PRB4: variants seen among roughly 807,000 people sequenced by gnomAD.
PRB4 encodes basic salivary proline-rich protein 4.
In PRB4, 14 loss-of-function variants were observed where a neutral mutation model predicts 9.1. The ratio of observed to expected loss-of-function variants is 1.54; its 90% CI spans 1.02 to 2.41. The LOEUF is 2.41. Among genes scored for constraint, PRB4 ranks in the 30% most tolerant of loss-of-function variants. The pLI is 0.00. For synonymous variants in PRB4, 102 were observed against 108.5 expected (o/e 0.94, Z 0.37); for missense variants, 381 against 299.3 (o/e 1.27, Z -2.02).
intron 1 of PRB4, 110 bp from the exon 2 acceptor site, chr12:11,309,515 G>A: frequency 1.3e-6 from 2 of 1,596,174 alleles, no homozygotes; most frequent in Non-Finnish European, 1.7e-6. Context: ...CATCCCCTAG[G>A]TTAACTCATC....
Position 11,308,380 on chromosome 12 carries a change from T to C in PRB4, c.603A>G (p.Gly201=). The C allele has an allele frequency of 1.2e-6, 2 of 1,602,820 alleles. No homozygotes were observed. Among genetic ancestry groups the C allele is most frequent in the South Asian group, 2.2e-5 (2 of 90,684 alleles). Residue 201 remains glycine (G), a synonymous_variant, in exon 3 of 4, where the codon GGA becomes GGG. Transcript: ENST00000279575. The part of the protein sequence containing the change: ...GNKPQGPPPP[G]KPQGPPPAGG... ...CTGCTGGGGGTGGGCCTTGTGGCTT[T>C]CCAGGAGGTGGGGGACCTTGAGGCT...
At chr12:11,309,765 A>G (rs1049933764) in intron 1 of PRB4, among the ~76,000 whole-genome samples, 3 of 152,160 alleles carry the variant, frequency 2.0e-5, no homozygotes, top group African/African-American at 7.2e-5. Flanking sequence ...TGTTTTCTCA[A>G]TAGGGGTAAC....
intron 2 of PRB4, 54 bp from the exon 3 acceptor site, chr12:11,308,936 A>G (rs982545491): frequency 1.2e-6 from 2 of 1,603,612 alleles, no homozygotes; most frequent in Non-Finnish European, 8.5e-7. Flanking sequence ...ACAAATTTTT[A>G]CAGTAATGGA....
chr12:11,308,555 C>A lies in PRB4; in HGVS notation c.428G>T (p.Arg143Ile). ...CTGGTTACCTCCTTGTGGGGGTGGTCTTTCTGGCTTTCCTGGAGGAGGTGG... is the reference window on the plus strand; with the variant it reads ...CTGGTTACCTCCTTGTGGGGGTGGTATTTCTGGCTTTCCTGGAGGAGGTGG... Reference protein sequence around the residue: ...RPPPPPGKPERPPPQGGNQSQ... With the variant: ...RPPPPPGKPEIPPPQGGNQSQ... Residue 143 changes from arginine (R) to isoleucine (I), a missense_variant, in exon 3 of 4, where the codon AGA becomes ATA. Coordinates refer to ENST00000279575, the MANE Select transcript of PRB4 (RefSeq NM_002723.6). 1.3e-6 allele frequency: 2 copies of A among 1,575,614 alleles called. No individual in the cohort carries two copies. Among genetic ancestry groups the A allele is most frequent in the Non-Finnish European group, 1.7e-6 (2 of 1,154,962 alleles).
chr12:11,308,853 C>G lies in PRB4; in HGVS notation c.130G>C (p.Gly44Arg). Residue 44 changes from glycine (G) to arginine (R), a missense_variant, in exon 3 of 4, where the codon GGA (glycine) becomes CGA (arginine). Gly to Arg is a moderately radical substitution (Grantham distance 125). Coordinates refer to ENST00000279575, the MANE Select transcript of PRB4 (RefSeq NM_002723.6). Reference protein sequence around the residue: ...GKPEGRRPQGGNQPQRPPPPP... With the variant: ...GKPEGRRPQGRNQPQRPPPPP... ...GGTGGGGGACGTTGGGGCTGGTTTCCTCCTTGTGGGCGTCGTCCTTCTGGC... is the reference window on the plus strand; with the variant it reads ...GGTGGGGGACGTTGGGGCTGGTTTCGTCCTTGTGGGCGTCGTCCTTCTGGC... 1.3e-6 allele frequency: 2 copies of G among 1,592,220 alleles called. No homozygotes were observed. The highest frequency in any genetic ancestry group is 1.7e-6 in the Non-Finnish European group (2 of 1,166,228).
Position 11,308,330 on chromosome 12 carries a change from G to T in PRB4, c.653C>A (p.Ala218Glu). Residue 218 changes from alanine (A) to glutamate (E), a missense_variant, in exon 3 of 4, where the codon GCA becomes GAA. Coordinates refer to ENST00000279575, the MANE Select transcript of PRB4 (RefSeq NM_002723.6). ...CCCCTGGGGCTTTCCAGCAGGAGGTGCCTGAGGCTGCTGGGGATTGCCTCC... is the reference window on the plus strand; with the variant it reads ...CCCCTGGGGCTTTCCAGCAGGAGGTTCCTGAGGCTGCTGGGGATTGCCTCC... ...PAGGNPQQPQ[A>E]PPAGKPQGPP... 1.9e-6 allele frequency: 3 copies of T among 1,609,468 alleles called. No individual in the cohort carries two copies. Among genetic ancestry groups the T allele is most frequent in the Non-Finnish European group, 2.5e-6 (3 of 1,176,786 alleles).
rs766964490 is a variant in PRB4 at position 11,308,270 on chromosome 12, C to G, written c.713G>C (p.Arg238Thr). 96 of 1,609,386 alleles carry G rather than the reference C, an allele frequency of 6.0e-5. No homozygotes were observed. The highest frequency in any genetic ancestry group is 8.1e-5 in the Non-Finnish European group (95 of 1,178,038). The change falls in exon 3 of 4, where the codon AGA becomes ACA. Residue 238 changes from arginine to threonine, a missense_variant. This residue lies in a region of PRB4 where 204 missense variants were observed against 134.4 expected (regional missense o/e 1.52). Coordinates refer to ENST00000279575, the MANE Select transcript of PRB4 (RefSeq NM_002723.6). Reference protein sequence around the residue: ...PPPPQGGRPPRPAQGQQPPQ With the variant: ...PPPPQGGRPPTPAQGQQPPQ ...GGGAGGCTGTTGTCCCTGGGCAGGT[C>G]TGGGTGGCCTGCCCCCTTGAGGAGG...
Position 11,310,215 on chromosome 12 carries a change from C to A in PRB4, c.64+120G>T, listed in dbSNP as rs762367538. On this transcript the variant is annotated intron_variant, in intron 1 of 3. Coordinates refer to ENST00000279575, the MANE Select transcript of PRB4 (RefSeq NM_002723.6). ...ATGAGGGCACAACAGGTCTCCTGAT[C>A]CTAGGCATGAAAACTCTGCAGCCCC... 3.8e-5 allele frequency: 48 copies of A among 1,266,576 alleles called. No individual in the cohort carries two copies. The East Asian group carries it at 5.6e-4, about 15-fold the overall frequency. The allele number at this position is 1,266,576 out of a possible 1,614,324, so 78.5% of individuals were successfully genotyped here. A position where few individuals can be genotyped will look rare whatever the true frequency, so the allele number is the denominator to read the frequency against.
rs757144718 is a variant in PRB4, at chr12:11,308,394, G to A, written c.589C>T (p.Pro197Ser). Residue 197 changes from proline (P) to serine (S), a missense_variant, in exon 3 of 4, where the codon CCC (proline) becomes TCC (serine). Around this residue, in one of 3 missense-constraint regions of PRB4, gnomAD observed 204 missense variants for 134.4 expected, o/e 1.52. Coordinates refer to ENST00000279575, the MANE Select transcript of PRB4 (RefSeq NM_002723.6). ...CCTTGTGGCTTTCCAGGAGGTGGGG[G>A]ACCTTGAGGCTTGTTGCCTTCTTGT... ...PQQEGNKPQG[P>S]PPPGKPQGPP... 6 of 1,604,246 alleles carry A rather than the reference G, an allele frequency of 3.7e-6. No homozygotes were observed. In the East Asian group the frequency reaches 9.0e-5, roughly 24 times the overall value.
In PRB4 at chr12:11,310,393, C is replaced by T. The variant is rs1332777623; in HGVS notation, c.6G>A (p.Leu2=). 8 of 1,614,244 alleles carry T rather than the reference C, an allele frequency of 5.0e-6. No homozygotes were observed. The East Asian group carries it at 6.7e-5, about 13-fold the overall frequency. The change falls in exon 1 of 4, where the codon CTG becomes CTA. Residue 2 remains leucine (L), a synonymous_variant. Coordinates refer to ENST00000279575, the MANE Select transcript of PRB4 (RefSeq NM_002723.6). M[L]LILLSVALLA... is the part of the protein sequence containing the mutation. ...GCAGGGCCACTGACAGCAGAATCAGCAGCATCTCGCTGGAGGCTCTGGAGT... is the reference window on the plus strand; with the variant it reads ...GCAGGGCCACTGACAGCAGAATCAGTAGCATCTCGCTGGAGGCTCTGGAGT...
rs574814885 is a variant in PRB4 at position 11,310,071 on chromosome 12, C to T, written c.64+264G>A. Among the ~76,000 whole-genome samples the T allele has an allele frequency of 2.0e-5, 3 of 152,348 alleles. No individual in the cohort carries two copies. In the East Asian group the frequency reaches 5.8e-4, roughly 29 times the overall value. ...TGAATCTGCCTTGCACTCTCCACTGCAGCCTTCACAGCACAGTTCTATCTC... is the reference window on the plus strand; with the variant it reads ...TGAATCTGCCTTGCACTCTCCACTGTAGCCTTCACAGCACAGTTCTATCTC... On this transcript the variant is annotated intron_variant, in intron 1 of 3. Transcript: ENST00000279575.
chr12:11,309,320 G>C (rs1862998807), intron 2 of PRB4, 50 bp downstream of exon 2: 1 of 1,613,546 alleles, frequency 6.2e-7, no homozygotes, highest in Non-Finnish European at 8.5e-7. Flanking sequence ...TGATCCATTT[G>C]TAAGCAGAAA....
In PRB4 at chr12:11,308,792, C is replaced by T. The variant is rs779925084; in HGVS notation, c.191G>A (p.Gly64Glu). 1.3e-6 allele frequency: 2 copies of T among 1,583,978 alleles called. No individual in the cohort carries two copies. Among genetic ancestry groups the T allele is most frequent in the Non-Finnish European group, 1.7e-6 (2 of 1,164,434 alleles). Residue 64 changes from glycine (G) to glutamate (E), a missense_variant, in exon 3 of 4, where the codon GGA (glycine) becomes GAA (glutamate). Physicochemically the swap from Gly to Glu is moderately conservative, Grantham distance 98 (BLOSUM62 -2). Around this residue, in one of 3 missense-constraint regions of PRB4, gnomAD observed 151 missense variants for 105.8 expected, o/e 1.43. Coordinates refer to ENST00000279575, the MANE Select transcript of PRB4 (RefSeq NM_002723.6). Reference protein sequence around the residue: ...PGKPQGPPPQGGNQSQGPPPP... With the variant: ...PGKPQGPPPQEGNQSQGPPPP... ...TGGGGGACCTTGGGACTGGTTTCCT[C>T]CTTGTGGGGGTGGTCCTTGTGGCTT...
intron 3 of PRB4, among the ~76,000 whole-genome samples, chr12:11,307,805 G>C (rs1862947056): frequency 6.6e-6 from 1 of 152,154 alleles, no homozygotes; most frequent in African/African-American, 2.4e-5. Context: ...TCTAAAAAGT[G>C]ACACGCCATT....
At chr12:11,308,125 A>T in intron 3 of PRB4, 96 bp downstream of exon 3, 8 of 1,416,454 alleles carry the variant, frequency 5.6e-6, no homozygotes, top group Non-Finnish European at 7.8e-6. Flanking sequence ...TTCTAGGACA[A>T]TACAATGTCA....
intron 2 of PRB4, 100 bp downstream of exon 2, chr12:11,309,270 T>C: frequency 6.3e-7 from 1 of 1,589,114 alleles, no homozygotes; most frequent in Admixed American, 1.7e-5. Flanking sequence ...CATTAATCAA[T>C]TCCTGAAAGG....
At position 11,308,492 on chromosome 12, in the gene PRB4, C is replaced by A. The variant is rs571718268; in HGVS notation, c.491G>T (p.Gly164Val). The A allele has an allele frequency of 3.8e-5, 61 of 1,612,566 alleles. No individual in the cohort carries two copies. Among genetic ancestry groups the A allele is most frequent in the Middle Eastern group, 1.7e-4 (1 of 6,052 alleles). The change falls in exon 3 of 4, where the codon GGA becomes GTA. Residue 164 changes from glycine to valine, a missense_variant. Around this residue, in one of 3 missense-constraint regions of PRB4, gnomAD observed 204 missense variants for 134.4 expected, o/e 1.52. Transcript: ENST00000279575. ...GPPPHPGKPE[G>V]PPPQEGNKSR... ...CTTGTTTCCTTCCTGTGGGGGTGGT[C>A]CTTCTGGCTTTCCTGGATGAGGTGG...
rs201691090 is a variant in PRB4, at chr12:11,308,413, T to C, written c.570A>G (p.Glu190=). 1 of 1,613,478 alleles carries C rather than the reference T, an allele frequency of 6.2e-7. No homozygotes were observed. Residue 190 remains glutamate (E), a synonymous_variant, in exon 3 of 4, where the codon GAA becomes GAG. Transcript: ENST00000279575. ...PGKPQGPPQQ[E]GNKPQGPPPP... is the part of the protein sequence containing the mutation. ...GTGGGGGACCTTGAGGCTTGTTGCC[T>C]TCTTGTTGGGGTGGTCCTTGTGGCT...
At chr12:11,309,965 C>T in intron 1 of PRB4, among the ~76,000 whole-genome samples, 1 of 152,142 alleles carries the variant, frequency 6.6e-6, no homozygotes, top group Non-Finnish European at 1.5e-5. Flanking sequence ...ATCATCAATG[C>T]CGACTGTCTG....
Sources: gnomAD v4.1 joint callset for allele counts (sites outside exome capture counted in the v4.1 genomes callset) on GRCh38, gnomAD v4.1.1 for gene constraint, gnomAD v4.1.1 regional missense constraint, MANE v1.5 for transcripts, NCBI Gene and HGNC (gene_info 2026-07-23, HGNC 2026-07-21) for gene names.